The following TMEM132C variants were observed in gnomAD, a reference collection of about 807,000 sequenced individuals.
TMEM132C encodes protein phosphatase 1, regulatory subunit 152.
In TMEM132C, 29 loss-of-function variants were observed where a neutral mutation model predicts 61.4. The observed-to-expected ratio is 0.47, with a 90% CI of 0.35 to 0.64. TMEM132C has a LOEUF of 0.64. Ranked by LOEUF, TMEM132C falls within the 30% of genes least tolerant of loss-of-function variation. The probability of loss-of-function intolerance (pLI) is 0.00; values close to 1 mark genes in which losing one functional copy is unlikely to be tolerated. For missense variants in TMEM132C, 1,408 were observed against 1,476.9 expected, an observed-to-expected ratio of 0.95 and a Z score of 0.76; for synonymous variants, 656 against 633.1, an observed-to-expected ratio of 1.04 and a Z score of -0.54.
intron 3 of TMEM132C, among the ~76,000 whole-genome samples, chr12:128,572,809 C>T (rs1201988151): frequency 6.6e-6 from 1 of 152,258 alleles, no homozygotes; most frequent in Non-Finnish European, 1.5e-5. Context: ...GTCACATGCC[C>T]ACTTCTTGAA....
chr12:128,318,528 A>G (rs1020304495), intron 1 of TMEM132C, among the ~76,000 whole-genome samples: 1 of 152,222 alleles, frequency 6.6e-6, no homozygotes. Flanking sequence ...ACATCACTAC[A>G]GCTTCAAGAG....
At chr12:128,542,112 C>G (rs1215016901) in intron 2 of TMEM132C, among the ~76,000 whole-genome samples, 1 of 152,154 alleles carries the variant, frequency 6.6e-6, no homozygotes, top group Non-Finnish European at 1.5e-5. Flanking sequence ...ACTGTTATCA[C>G]AAACTCCTGA....
At chr12:128,421,824 C>T (rs945754060) in intron 2 of TMEM132C, among the ~76,000 whole-genome samples, 2 of 152,092 alleles carry the variant, frequency 1.3e-5, no homozygotes, top group Admixed American at 6.5e-5. Context: ...AACACATATG[C>T]AGATAGGTTT....
chr12:128,523,809 A>AT (rs1872988998), intron 2 of TMEM132C, among the ~76,000 whole-genome samples: 1 of 135,934 alleles, frequency 7.4e-6, no homozygotes, highest in African/African-American at 2.8e-5. Context: ...AGACAAGCCC[A>AT]GGAAAAAAAA....
At chr12:128,331,709 G>C (rs1022041375) in intron 1 of TMEM132C, among the ~76,000 whole-genome samples, 2 of 152,194 alleles carry the variant, frequency 1.3e-5, no homozygotes, top group Non-Finnish European at 2.9e-5. Context: ...AGTTGCTGTT[G>C]TGAATAGTGC....
chr12:128,443,411 G>T (rs12303773), intron 2 of TMEM132C, among the ~76,000 whole-genome samples: 19,549 of 151,980 alleles, frequency 0.13, 1,792 homozygotes, highest in African/African-American at 0.25. Flanking sequence ...TACCCCAAAA[G>T]CTACAGAAAT....
intron 4 of TMEM132C, among the ~76,000 whole-genome samples, chr12:128,651,901 T>G (rs1954274545): frequency 6.6e-6 from 1 of 152,188 alleles, no homozygotes; most frequent in African/African-American, 2.4e-5. Context: ...CCACAGAACT[T>G]TGGCTTCACT....
intron 1 of TMEM132C, among the ~76,000 whole-genome samples, chr12:128,323,681 A>C (rs939987837): frequency 1.3e-5 from 2 of 152,096 alleles, no homozygotes; most frequent in African/African-American, 4.8e-5. Context: ...GTGGATCAGG[A>C]ACCAGCGGGT....
chr12:128,437,119 G>C (rs1478736109), intron 2 of TMEM132C, among the ~76,000 whole-genome samples: 1 of 152,080 alleles, frequency 6.6e-6, no homozygotes, highest in Non-Finnish European at 1.5e-5. Flanking sequence ...ACACAGGGCG[G>C]GGAACATCAC....
intron 3 of TMEM132C, among the ~76,000 whole-genome samples, chr12:128,550,508 T>C (rs1483738437): frequency 6.6e-6 from 1 of 152,142 alleles, no homozygotes; most frequent in African/African-American, 2.4e-5. Context: ...TTTCATCATG[T>C]TGCCCAGGAT....
chr12:128,392,475 A>G (rs992574185), intron 1 of TMEM132C, among the ~76,000 whole-genome samples: 1 of 152,082 alleles, frequency 6.6e-6, no homozygotes, highest in African/African-American at 2.4e-5. Context: ...CAGTTTCTCA[A>G]ATAAGATTTG....
chr12:128,660,468 C>T (rs145640626), intron 4 of TMEM132C, among the ~76,000 whole-genome samples: 30 of 152,310 alleles, frequency 2.0e-4, no homozygotes, highest in Admixed American at 1.4e-3. Flanking sequence ...TTAACCTGCA[C>T]GGCTAGAAAC....
chr12:128,547,489 G>A (rs1037941490), intron 3 of TMEM132C, among the ~76,000 whole-genome samples: 2 of 151,442 alleles, frequency 1.3e-5, no homozygotes, highest in Non-Finnish European at 2.9e-5. Flanking sequence ...GTGTGAACCC[G>A]GGAGGCGGAG....
intron 3 of TMEM132C, among the ~76,000 whole-genome samples, chr12:128,612,189 T>A (rs1193747274): frequency 2.6e-5 from 4 of 152,222 alleles, no homozygotes; most frequent in Non-Finnish European, 5.9e-5. Context: ...TGACCTTTGC[T>A]CTATCACACA....
At chr12:128,589,693 C>A in intron 3 of TMEM132C, among the ~76,000 whole-genome samples, 1 of 152,176 alleles carries the variant, frequency 6.6e-6, no homozygotes. Flanking sequence ...CATTCACTTT[C>A]CAGGGCCTGT....
intron 2 of TMEM132C, among the ~76,000 whole-genome samples, chr12:128,521,516 A>G (rs1354692864): frequency 7.5e-6 from 1 of 132,654 alleles, no homozygotes; most frequent in Non-Finnish European, 1.5e-5. Context: ...AGTGTTTTTG[A>G]ATGTCTTTGT....
chr12:128,403,980 G>A (rs1875253006), intron 1 of TMEM132C, among the ~76,000 whole-genome samples: 1 of 152,146 alleles, frequency 6.6e-6, no homozygotes, highest in Non-Finnish European at 1.5e-5. Context: ...TGTGGTGGGG[G>A]CACTGTCTTG....
At chr12:128,424,046 CAAAA>C (rs144980387) in intron 2 of TMEM132C, among the ~76,000 whole-genome samples, 2 of 72,754 alleles carry the variant, frequency 2.7e-5, no homozygotes, top group South Asian at 6.5e-4. Flanking sequence ...GACTCTGTCT[CAAAA>C]AAAAAAAAAA....
intron 2 of TMEM132C, among the ~76,000 whole-genome samples, chr12:128,501,644 A>G (rs1013342720): frequency 1.3e-5 from 2 of 152,202 alleles, no homozygotes. Flanking sequence ...TGGCTTCAAT[A>G]CTTGGAGTTG....
Sources: allele counts gnomAD v4.1 joint callset (sites outside exome capture counted in the v4.1 genomes callset), GRCh38; gene constraint gnomAD v4.1.1; transcripts MANE v1.5; gene names NCBI Gene and HGNC (gene_info 2026-07-23, HGNC 2026-07-21).